RHO: variants seen among roughly 807,000 people sequenced by gnomAD.
RHO encodes the protein rhodopsin, also known as opsin 2, rod pigment.
Under a neutral mutation model 31.2 loss-of-function variants are expected in RHO, and 21 were observed. That is an observed-to-expected ratio of 0.67 (90% confidence interval 0.48 to 0.97). RHO has a LOEUF of 0.97. Among genes scored for constraint, RHO ranks in the 50% least tolerant of loss-of-function variants. The pLI, the probability that RHO is intolerant of heterozygous loss-of-function variation, is 0.00. For missense variants in RHO, 414 were observed against 479.5 expected (o/e 0.86, Z 1.28); for synonymous variants, 211 against 196.6 (o/e 1.07, Z -0.61).
chr3:129,531,179 A>G lies in RHO; in HGVS notation c.530+135A>G, dbSNP rs994553550. The G allele has an allele frequency of 6.1e-6, 6 of 977,086 alleles. No individual in the cohort carries two copies. The African/African-American group carries it at 8.0e-5, about 13-fold the overall frequency. 60.5% of individuals were successfully genotyped at this position (977,086 alleles called of 1,614,324 possible). Reference sequence around the variant, plus strand: ...CCTGGCCCAAATGCCCACTCAGGGTAGGGGTGTAGGGCAGAAGAAGAAACA... The same window carrying G: ...CCTGGCCCAAATGCCCACTCAGGGTGGGGGTGTAGGGCAGAAGAAGAAACA... On this transcript the variant is annotated intron_variant, in intron 2 of 4. Coordinates refer to ENST00000296271, the MANE Select transcript of RHO (RefSeq NM_000539.3).
chr3:129,531,763 A>G (rs2084781915), intron 2 of RHO, among the ~76,000 whole-genome samples: 2 of 152,176 alleles, frequency 1.3e-5, no homozygotes, highest in Non-Finnish European at 2.9e-5. Flanking sequence ...ATCAGGAACC[A>G]TTGCCACGTC....
Position 129,534,527 on chromosome 3 carries a change from G to A in RHO, c.*809G>A, listed in dbSNP as rs1051986521. On this transcript the variant is annotated 3_prime_UTR_variant, in exon 5 of 5. Transcript: ENST00000296271. ...AGGCATCAAGGCCAGACCAGGGCTG[G>A]GGGTTGGGCTGTAGGCAGGGACAGT... is the stretch of plus-strand genomic sequence containing the variant. The A allele has an allele frequency of 1.3e-5, 2 of 152,272 alleles. No homozygotes were observed. Among genetic ancestry groups the A allele is most frequent in the Admixed American group, 6.5e-5 (1 of 15,290 alleles). The allele number at this position is 152,272 out of a possible 1,614,324, so 9.4% of individuals were successfully genotyped here.
rs1415160298 is a variant in RHO, at chr3:129,529,058, G to T, written c.325G>T (p.Gly109Ter). The T allele has an allele frequency of 6.2e-7, 1 of 1,613,538 alleles. No homozygotes were observed. Among genetic ancestry groups the T allele is most frequent in the South Asian group, 1.1e-5 (1 of 91,082 alleles). Residue 109 changes from glycine (G) to a stop codon, truncating the protein, a stop_gained, in exon 1 of 5, where the codon GGA becomes TGA. Coordinates refer to ENST00000296271, the MANE Select transcript of RHO (RefSeq NM_000539.3). LOFTEE classifies it high-confidence loss of function. ...TGGATACTTCGTCTTCGGGCCCACA[G>T]GATGCAATTTGGAGGGCTTCTTTGC... ...LHGYFVFGPT[G>*]CNLEGFFATL...
chr3:129,531,608 T>C (rs930299608), intron 2 of RHO, among the ~76,000 whole-genome samples: 2 of 152,214 alleles, frequency 1.3e-5, no homozygotes, highest in South Asian at 2.1e-4. Context: ...TCAGTCTTGC[T>C]AGGGTCCATT....
chr3:129,533,788 A>G lies in RHO; in HGVS notation c.*70A>G. 9.4e-7 allele frequency: 1 copy of G among 1,064,010 alleles called. No individual in the cohort carries two copies. Among genetic ancestry groups the G allele is most frequent in the South Asian group, 1.2e-5 (1 of 80,254 alleles). The allele number at this position is 1,064,010 out of a possible 1,614,324, so 65.9% of individuals were successfully genotyped here. On this transcript the variant is annotated 3_prime_UTR_variant, in exon 5 of 5. Transcript: ENST00000296271. ...CCTACACCTTCCCCCAGCCACAGCC[A>G]TCCCACCAGGAGCAGCGCCTGTGCA...
intron 1 of RHO, 66 bp from the exon 2 acceptor site, chr3:129,530,810 C>G: frequency 6.2e-7 from 1 of 1,600,638 alleles, no homozygotes; most frequent in Non-Finnish European, 8.6e-7. Context: ...CTCTCCCTGT[C>G]TAGGGGGGAG....
At chr3:129,529,240 A>T in intron 1 of RHO, 146 bp downstream of exon 1, 1 of 1,063,378 alleles carries the variant, frequency 9.4e-7, no homozygotes, top group Non-Finnish European at 1.3e-6. Context: ...ATATTCAGTC[A>T]ACAAACACCA....
In RHO at chr3:129,532,624, T is replaced by C; in HGVS notation, c.788T>C (p.Ile263Thr). 6.2e-7 allele frequency: 1 copy of C among 1,614,224 alleles called. No individual in the cohort carries two copies. The highest frequency in any genetic ancestry group is 2.2e-5 in the East Asian group (1 of 44,878). The change falls in exon 4 of 5, where the codon ATC becomes ACC. Residue 263 changes from isoleucine (I) to threonine (T), a missense_variant. Physicochemically the swap from Ile to Thr is moderately conservative, Grantham distance 89. Transcript: ENST00000296271. This position sits in a 1 kb window ranked among gnomAD's most constrained non-coding sequence, Gnocchi z 5.5. ...MVIIMVIAFL[I>T]CWVPYASVAF... ...ATCATCATGGTCATCGCTTTCCTGATCTGCTGGGTGCCCTACGCCAGCGTG... is the reference window on the plus strand; with the variant it reads ...ATCATCATGGTCATCGCTTTCCTGACCTGCTGGGTGCCCTACGCCAGCGTG...
Position 129,530,958 on chromosome 3 carries a change from C to G in RHO, c.444C>G (p.Phe148Leu). The G allele has an allele frequency of 6.2e-7, 1 of 1,614,262 alleles. No homozygotes were observed. The highest frequency in any genetic ancestry group is 1.6e-4 in the Middle Eastern group (1 of 6,062). The change falls in exon 2 of 5, where the codon TTC (phenylalanine) becomes TTG (leucine). Residue 148 changes from phenylalanine to leucine, a missense_variant. Phe to Leu is a conservative substitution (Grantham distance 22). Coordinates refer to ENST00000296271, the MANE Select transcript of RHO (RefSeq NM_000539.3). ...VVCKPMSNFRFGENHAIMGVA... is the reference protein window; with the variant it reads ...VVCKPMSNFRLGENHAIMGVA... ...GTAAGCCCATGAGCAACTTCCGCTT[C>G]GGGGAGAACCATGCCATCATGGGCG... is the stretch of plus-strand genomic sequence containing the variant.
rs1050996886 is a variant in RHO at position 129,534,285 on chromosome 3, G to A, written c.*567G>A. The A allele has an allele frequency of 6.3e-6, 1 of 158,962 alleles. No individual in the cohort carries two copies. The highest frequency in any genetic ancestry group is 1.8e-4 in the East Asian group (1 of 5,460). The allele number at this position is 158,962 out of a possible 1,614,324, so 9.8% of individuals were successfully genotyped here. A position where few individuals can be genotyped will look rare whatever the true frequency, so the allele number is the denominator to read the frequency against. ...GGTCCTGCCGACACGCAGCTACTGAGAAGACCAAAAGAGGTGTGTGTGTGT... is the reference window on the plus strand; with the variant it reads ...GGTCCTGCCGACACGCAGCTACTGAAAAGACCAAAAGAGGTGTGTGTGTGT... On this transcript the variant is annotated 3_prime_UTR_variant, in exon 5 of 5. Coordinates refer to ENST00000296271, the MANE Select transcript of RHO (RefSeq NM_000539.3).
intron 1 of RHO, among the ~76,000 whole-genome samples, chr3:129,530,506 AACACAC>A (rs146327704): frequency 2.3e-4 from 30 of 132,316 alleles, no homozygotes; most frequent in Admixed American, 1.1e-3. Context: ...TCTTCTGCTA[AACACAC>A]ACACACACAC....
At position 129,535,225 on chromosome 3, in the gene RHO, A is replaced by G. The variant is rs2084812578; in HGVS notation, c.*1507A>G. The G allele has an allele frequency of 6.5e-6, 1 of 152,676 alleles. No homozygotes were observed. The highest frequency in any genetic ancestry group is 2.4e-5 in the African/African-American group (1 of 41,448). 9.5% of individuals were successfully genotyped at this position (152,676 alleles called of 1,614,324 possible). A position where few individuals can be genotyped will look rare whatever the true frequency, so the allele number is the denominator to read the frequency against. ...ATCCACAGGATAGATTGAAACTGCC[A>G]GCTTCCACCTGATCCCTGACCCTGG... On this transcript the variant is annotated 3_prime_UTR_variant, in exon 5 of 5. Transcript: ENST00000296271.
At chr3:129,530,113 A>G (rs538999065) in intron 1 of RHO, among the ~76,000 whole-genome samples, 5 of 152,302 alleles carry the variant, frequency 3.3e-5, no homozygotes, top group South Asian at 2.1e-4. Context: ...GTTGCATTCA[A>G]TAATCACAGA....
chr3:129,532,187 G>A lies in RHO; in HGVS notation c.531-64G>A, dbSNP rs1056526280. 9 of 1,419,540 alleles carry A rather than the reference G, an allele frequency of 6.3e-6. No individual in the cohort carries two copies. Among genetic ancestry groups the A allele is most frequent in the African/African-American group, 5.6e-5 (4 of 70,916 alleles). The allele number at this position is 1,419,540 out of a possible 1,614,324, so 87.9% of individuals were successfully genotyped here. On this transcript the variant is annotated intron_variant, in intron 2 of 4. Transcript: ENST00000296271. This position sits in a 1 kb window ranked among gnomAD's most constrained non-coding sequence, Gnocchi z 5.5. ...GAAGCCCCAGAAAGGGCCAGCGCTCGGCAGCCACCTTGGCTGTTCCCAAGT... is the reference window on the plus strand; with the variant it reads ...GAAGCCCCAGAAAGGGCCAGCGCTCAGCAGCCACCTTGGCTGTTCCCAAGT...
chr3:129,531,680 G>A (rs900199087), intron 2 of RHO, among the ~76,000 whole-genome samples: 1 of 152,092 alleles, frequency 6.6e-6, no homozygotes, highest in Non-Finnish European at 1.5e-5. Context: ...CTCCAATCTG[G>A]CCTAGTTCTA....
At chr3:129,530,842 G>A (rs1297666027) in intron 1 of RHO, 34 bp from the exon 2 acceptor site, 2 of 1,614,002 alleles carry the variant, frequency 1.2e-6, no homozygotes, top group African/African-American at 2.7e-5. Flanking sequence ...TAGGCAGTGG[G>A]GTCTGTGCTG....
chr3:129,531,915 C>A (rs2084782763), intron 2 of RHO, among the ~76,000 whole-genome samples: 1 of 152,222 alleles, frequency 6.6e-6, no homozygotes, highest in African/African-American at 2.4e-5. Context: ...TCCTCAAATG[C>A]AGAGCCTGAG....
At chr3:129,533,278 C>T (rs2084798464) in intron 4 of RHO, among the ~76,000 whole-genome samples, 1 of 152,194 alleles carries the variant, frequency 6.6e-6, no homozygotes, top group African/African-American at 2.4e-5. Flanking sequence ...CTTCTCTGTG[C>T]TTTGGTTTCC....
chr3:129,532,745 T>A lies in RHO; in HGVS notation c.909T>A (p.Pro303=). Residue 303 remains proline (P), a synonymous_variant, in exon 4 of 5, where the codon CCT becomes CCA. Coordinates refer to ENST00000296271, the MANE Select transcript of RHO (RefSeq NM_000539.3). This position sits in a 1 kb window ranked among gnomAD's most constrained non-coding sequence, Gnocchi z 5.5. ...CCAAGAGCGCCGCCATCTACAACCC[T>A]GTCATCTATATCATGATGAACAAGC... ...FFAKSAAIYN[P]VIYIMMNKQF... is the part of the protein sequence containing the mutation. 1 of 1,614,224 alleles carries A rather than the reference T, an allele frequency of 6.2e-7. No individual in the cohort carries two copies. The highest frequency in any genetic ancestry group is 8.5e-7 in the Non-Finnish European group (1 of 1,180,030).
Sources: allele counts gnomAD v4.1 joint callset (sites outside exome capture counted in the v4.1 genomes callset), GRCh38; gene constraint gnomAD v4.1.1; non-coding constraint Gnocchi (gnomAD v3.1); transcripts MANE v1.5; gene names NCBI Gene and HGNC (gene_info 2026-07-23, HGNC 2026-07-21).